The following KANK1 variants were observed in gnomAD, a reference collection of about 807,000 sequenced individuals.
The protein encoded by KANK1 is KN motif and ankyrin repeat domain-containing protein 1.
In KANK1, 109 loss-of-function variants were observed where a neutral mutation model predicts 106.2. That is an observed-to-expected ratio of 1.03 (90% CI 0.88 to 1.20). The LOEUF (loss-of-function observed/expected upper bound fraction) is 1.20. Among genes scored for constraint, KANK1 ranks in the 50% most tolerant of loss-of-function variants. KANK1 has a pLI of 0.00. For missense variants in KANK1, 2,399 were observed against 1,710.7 expected (o/e 1.40, Z -7.10); for synonymous variants, 873 against 652.2 (o/e 1.34, Z -5.16).
intron 1 of KANK1, among the ~76,000 whole-genome samples, chr9:615,365 C>T (rs1485941776): frequency 6.6e-6 from 1 of 152,188 alleles, no homozygotes; most frequent in Non-Finnish European, 1.5e-5. Context: ...GCATCATATG[C>T]TCTTCCTTTT....
chr9:499,356 GGATA>G (rs1258181606), intron 3 of KANK1, among the ~76,000 whole-genome samples: 4 of 152,148 alleles, frequency 2.6e-5, no homozygotes, highest in Non-Finnish European at 5.9e-5. Context: ...AAGGATGAAT[GGATA>G]AACAAAATGT....
At chr9:680,711 T>G (rs958666513) in intron 2 of KANK1, 2 of 152,158 alleles carry the variant, frequency 1.3e-5, no homozygotes, top group African/African-American at 4.8e-5. Context: ...GAAAAAATAC[T>G]AAGCACGTGT....
intron 1 of KANK1, among the ~76,000 whole-genome samples, chr9:617,899 A>G (rs1176631125): frequency 6.6e-6 from 1 of 152,184 alleles, no homozygotes; most frequent in Admixed American, 6.5e-5. Context: ...TTCTTACTGA[A>G]AGAGGGTGCG....
chr9:684,095 T>A (rs1323857753), intron 2 of KANK1: 3 of 896,182 alleles, frequency 3.3e-6, no homozygotes, highest in Non-Finnish European at 4.0e-6. Context: ...GAAAAGCCCC[T>A]GGCTCATCAG....
At chr9:662,317 G>A (rs1385859673) in intron 1 of KANK1, among the ~76,000 whole-genome samples, 1 of 152,076 alleles carries the variant, frequency 6.6e-6, no homozygotes, top group Non-Finnish European at 1.5e-5. Flanking sequence ...ACAAAATTGG[G>A]AAAAACTACT....
At chr9:498,975 A>C (rs2058502867) in intron 3 of KANK1, among the ~76,000 whole-genome samples, 1 of 152,160 alleles carries the variant, frequency 6.6e-6, no homozygotes, top group African/African-American at 2.4e-5. Context: ...CAGGAGATCA[A>C]GACCATCCTG....
intron 3 of KANK1, chr9:492,349 A>G (rs1564120555): frequency 6.6e-6 from 1 of 152,254 alleles, no homozygotes; most frequent in African/African-American, 2.4e-5. Flanking sequence ...GAGAATCAGT[A>G]TAGCTTAGCC....
chr9:666,617 C>G (rs1194542867), intron 1 of KANK1, among the ~76,000 whole-genome samples: 2 of 151,950 alleles, frequency 1.3e-5, no homozygotes, highest in Non-Finnish European at 2.9e-5. Flanking sequence ...GGTATGTTTC[C>G]TCTGTACCCG....
chr9:720,657 G>GT (rs1411185574), intron 3 of KANK1, among the ~76,000 whole-genome samples: 1 of 152,154 alleles, frequency 6.6e-6, no homozygotes, highest in Non-Finnish European at 1.5e-5. Flanking sequence ...CACCCAGCCT[G>GT]TTTTTTGTTT....
intron 1 of KANK1, among the ~76,000 whole-genome samples, chr9:664,845 G>C (rs1282707001): frequency 2.6e-5 from 4 of 152,104 alleles, no homozygotes; most frequent in Non-Finnish European, 4.4e-5. Flanking sequence ...GTTATTCCCT[G>C]TCTTTTTTGA....
At chr9:685,760 C>T (rs1818414319) in intron 2 of KANK1, among the ~76,000 whole-genome samples, 1 of 152,190 alleles carries the variant, frequency 6.6e-6, no homozygotes, top group Non-Finnish European at 1.5e-5. Flanking sequence ...CTACTTTGGA[C>T]ATGATCTCTG....
Position 713,091 on chromosome 9 carries a change from A to C in KANK1, c.2325A>C (p.Lys775Asn), listed in dbSNP as rs766116742. The change falls in exon 3 of 12, where the codon AAA becomes AAC. Residue 775 changes from lysine to asparagine, a missense_variant. Transcript: ENST00000382297. Reference sequence around the variant, plus strand: ...ACGACAACTATCTGGTTGGTCTCAAAATGAGGACTATAGCTTGTGGGCCAC... The same window carrying C: ...ACGACAACTATCTGGTTGGTCTCAACATGAGGACTATAGCTTGTGGGCCAC... ...NINDNYLVGL[K>N]MRTIACGPPQ... 6 of 1,613,182 alleles carry C rather than the reference A, an allele frequency of 3.7e-6. No individual in the cohort carries two copies. The highest frequency in any genetic ancestry group is 5.1e-6 in the Non-Finnish European group (6 of 1,179,342).
In KANK1 at chr9:740,901, C is replaced by T. The variant is rs2296049; in HGVS notation, c.3663C>T (p.Phe1221=). 367,388 of 1,613,734 alleles carry T rather than the reference C, an allele frequency of 0.23. 44,188 individuals are homozygous for T. The highest frequency in any genetic ancestry group is 0.41 in the African/African-American group (30,420 of 74,928). ...EKDMRIVEEL[F]GCGDVNAKAS... ...ACATGCGGATTGTGGAAGAACTCTT[C>T]GGCTGTGGGGATGTGAATGCCAAAG... Residue 1221 remains phenylalanine, a synonymous_variant, in exon 9 of 12, where the codon TTC becomes TTT. Transcript: ENST00000382297.
At chr9:624,792 C>G (rs907688926) in intron 1 of KANK1, among the ~76,000 whole-genome samples, 7 of 151,924 alleles carry the variant, frequency 4.6e-5, no homozygotes, top group African/African-American at 9.7e-5. Context: ...GAGCGAGACT[C>G]TGTCTCAAAA....
At chr9:707,417 C>T (rs1161142701) in intron 2 of KANK1, among the ~76,000 whole-genome samples, 3 of 152,282 alleles carry the variant, frequency 2.0e-5, no homozygotes, top group African/African-American at 4.8e-5. Context: ...TCCCGGGAGG[C>T]CCGGATCAGC....
intron 2 of KANK1, among the ~76,000 whole-genome samples, chr9:692,494 A>T (rs929849783): frequency 9.9e-5 from 14 of 141,546 alleles, no homozygotes; most frequent in Non-Finnish European, 1.8e-4. Context: ...GATTTGGGTT[A>T]GATTTTTTCT....
Position 738,292 on chromosome 9 carries a change from G to C in KANK1, c.3341G>C (p.Cys1114Ser), listed in dbSNP as rs371084408. Residue 1114 changes from cysteine (C) to serine (S), a missense_variant, in exon 8 of 12, where the codon TGT (cysteine) becomes TCT (serine). Transcript: ENST00000382297. ...KALTSKDMRF[C>S]LNTLQHEWFR... ...CACTTGGTGTTTTGGCAGAGGTTCT[G>C]TCTGAACACCCTCCAGCACGAGTGG... 4 of 1,611,674 alleles carry C rather than the reference G, an allele frequency of 2.5e-6. No homozygotes were observed. Among genetic ancestry groups the C allele is most frequent in the Non-Finnish European group, 3.4e-6 (4 of 1,178,974 alleles).
chr9:598,713 C>T (rs1278223475), intron 1 of KANK1, among the ~76,000 whole-genome samples: 7 of 133,890 alleles, frequency 5.2e-5, no homozygotes, highest in African/African-American at 2.3e-4. Context: ...TCACTGCAAC[C>T]TCCTCCTCCT....
intron 1 of KANK1, among the ~76,000 whole-genome samples, chr9:671,623 A>AAAAAAAAAAAAAAAAAAAAAGAAG (rs79437342): frequency 1.4e-4 from 15 of 103,614 alleles, no homozygotes; most frequent in African/African-American, 6.7e-4. Flanking sequence ...CTCAAAAAAA[A>AAAAAAAAAAAAAAAAAAAAAGAAG]AAAAGAGTGT....
Sources: gnomAD v4.1 joint callset for allele counts (sites outside exome capture counted in the v4.1 genomes callset) on GRCh38, gnomAD v4.1.1 for gene constraint, MANE v1.5 for transcripts, NCBI Gene and HGNC (gene_info 2026-07-23, HGNC 2026-07-21) for gene names.